SGCZ: variants seen among roughly 807,000 people sequenced by gnomAD.
The protein encoded by SGCZ is sarcoglycan zeta, also known as zeta-sarcoglycan.
Under a neutral mutation model 41.3 loss-of-function variants are expected in SGCZ, and 40 were observed. That is an observed-to-expected ratio of 0.97 (90% confidence interval 0.75 to 1.26). The LOEUF (loss-of-function observed/expected upper bound fraction) is 1.26. Among genes scored for constraint, SGCZ ranks in the 50% most tolerant of loss-of-function variants. The pLI, the probability that SGCZ is intolerant of heterozygous loss-of-function variation, is 0.00. For missense variants in SGCZ, 552 were observed against 369.8 expected, an observed-to-expected ratio of 1.49 and a Z score of -4.04; for synonymous variants, 206 against 137.5, an observed-to-expected ratio of 1.50 and a Z score of -3.49.
intron 1 of SGCZ, among the ~76,000 whole-genome samples, chr8:15,038,832 A>AAAAAAAAAAAG: frequency 7.1e-6 from 1 of 140,486 alleles, no homozygotes; most frequent in Non-Finnish European, 1.5e-5. Flanking sequence ...AAAAAAAAAA[A>AAAAAAAAAAAG]AAAAAAAGAA....
At chr8:14,905,313 A>G (rs2130767254) in intron 1 of SGCZ, among the ~76,000 whole-genome samples, 1 of 152,168 alleles carries the variant, frequency 6.6e-6, no homozygotes, top group East Asian at 1.9e-4. Context: ...AAAGACAGTA[A>G]TGGTAAATGG....
At chr8:14,386,513 TTTTC>T (rs1272754316) in intron 2 of SGCZ, among the ~76,000 whole-genome samples, 8 of 152,172 alleles carry the variant, frequency 5.3e-5, no homozygotes, top group African/African-American at 1.9e-4. Flanking sequence ...GCAGTTCACA[TTTTC>T]TTTCTTTTTC....
chr8:15,229,598 G>T (rs1282057097), intron 1 of SGCZ, among the ~76,000 whole-genome samples: 1 of 152,178 alleles, frequency 6.6e-6, no homozygotes, highest in Non-Finnish European at 1.5e-5. Context: ...TTGGGGGAGA[G>T]TTTGAAGGCT....
At chr8:15,052,626 G>A (rs1460679496) in intron 1 of SGCZ, among the ~76,000 whole-genome samples, 2 of 151,970 alleles carry the variant, frequency 1.3e-5, no homozygotes, top group East Asian at 1.9e-4. Context: ...CCTAAAGCTC[G>A]TTTGGGACAT....
intron 1 of SGCZ, among the ~76,000 whole-genome samples, chr8:15,169,429 G>A (rs754609727): frequency 1.3e-5 from 2 of 152,164 alleles, no homozygotes; most frequent in African/African-American, 4.8e-5. Flanking sequence ...AGGGACTCCA[G>A]TCAAACGAGA....
chr8:14,959,021 T>C (rs1800882018), intron 1 of SGCZ, among the ~76,000 whole-genome samples: 2 of 152,260 alleles, frequency 1.3e-5, no homozygotes, highest in African/African-American at 2.4e-5. Context: ...TACTACATAG[T>C]AAAACAAACA....
At chr8:14,509,358 A>G (rs28608857) in intron 2 of SGCZ, among the ~76,000 whole-genome samples, 7,042 of 152,296 alleles carry the variant, frequency 0.046, 232 homozygotes, top group African/African-American at 0.084. Context: ...ACCATTTGCA[A>G]CTTAAATGCA....
At chr8:14,305,208 A>C (rs111668598) in intron 3 of SGCZ, among the ~76,000 whole-genome samples, 1 of 152,188 alleles carries the variant, frequency 6.6e-6, no homozygotes, top group Non-Finnish European at 1.5e-5. Flanking sequence ...ATAATCTACC[A>C]ATATAACTAT....
At chr8:14,544,407 C>T (rs1039100017) in intron 2 of SGCZ, among the ~76,000 whole-genome samples, 4 of 152,040 alleles carry the variant, frequency 2.6e-5, no homozygotes, top group Non-Finnish European at 4.4e-5. Flanking sequence ...GGGAAGACAA[C>T]CATAAGGTCT....
intron 1 of SGCZ, among the ~76,000 whole-genome samples, chr8:15,192,995 G>C (rs777181031): frequency 4.6e-5 from 7 of 152,074 alleles, no homozygotes; most frequent in Non-Finnish European, 1.0e-4. Flanking sequence ...CCATTTAGTG[G>C]AGATTATTTA....
chr8:14,216,002 C>T (rs967839358), intron 4 of SGCZ, among the ~76,000 whole-genome samples: 1 of 152,234 alleles, frequency 6.6e-6, no homozygotes. Context: ...AAAAAGGCAG[C>T]AGCTGCAGCC....
intron 2 of SGCZ, among the ~76,000 whole-genome samples, chr8:14,519,255 G>A (rs1452967217): frequency 6.6e-6 from 1 of 151,984 alleles, no homozygotes. Flanking sequence ...TTACCTACAA[G>A]TAACTACAGT....
chr8:14,682,965 T>C (rs1172336949), intron 1 of SGCZ, among the ~76,000 whole-genome samples: 5 of 152,170 alleles, frequency 3.3e-5, no homozygotes, highest in African/African-American at 4.8e-5. Context: ...GTTCAGAATT[T>C]GTAATTATTG....
chr8:14,655,017 G>A (rs1375279488), intron 1 of SGCZ, among the ~76,000 whole-genome samples: 2 of 151,848 alleles, frequency 1.3e-5, no homozygotes, highest in Admixed American at 6.6e-5. Flanking sequence ...GTATATTTCA[G>A]GAAATATTAC....
chr8:14,325,569 T>C (rs907731864), intron 2 of SGCZ, among the ~76,000 whole-genome samples: 2 of 147,428 alleles, frequency 1.4e-5, no homozygotes, highest in African/African-American at 4.9e-5. Context: ...ATCATAATCA[T>C]ATATAATAGA....
At chr8:14,988,408 T>G (rs559541134) in intron 1 of SGCZ, among the ~76,000 whole-genome samples, 1 of 152,012 alleles carries the variant, frequency 6.6e-6, no homozygotes, top group Non-Finnish European at 1.5e-5. Flanking sequence ...AACTTCAACA[T>G]CTCTTCCTTA....
intron 2 of SGCZ, among the ~76,000 whole-genome samples, chr8:14,551,340 C>G: frequency 7.2e-6 from 1 of 138,322 alleles, no homozygotes; most frequent in Non-Finnish European, 1.5e-5. Flanking sequence ...ATTAACTAAA[C>G]CACAAAGATG....
intron 2 of SGCZ, among the ~76,000 whole-genome samples, chr8:14,385,694 A>C (rs1233681938): frequency 6.6e-6 from 1 of 152,232 alleles, no homozygotes; most frequent in Non-Finnish European, 1.5e-5. Flanking sequence ...CTTTAAAAGT[A>C]ATACATTAAA....
chr8:14,384,817 C>T (rs1363379324), intron 2 of SGCZ, among the ~76,000 whole-genome samples: 1 of 152,152 alleles, frequency 6.6e-6, no homozygotes, highest in Non-Finnish European at 1.5e-5. Flanking sequence ...TCCCAGAGTG[C>T]TAGGGTTACA....
Sources: allele counts gnomAD v4.1 joint callset (sites outside exome capture counted in the v4.1 genomes callset), GRCh38; gene constraint gnomAD v4.1.1; transcripts MANE v1.5; gene names NCBI Gene and HGNC (gene_info 2026-07-23, HGNC 2026-07-21).